SNX2: variants seen among roughly 807,000 people sequenced by gnomAD.
SNX2 encodes sorting nexin-2.
In SNX2, 25 loss-of-function variants were observed where a neutral mutation model predicts 69.9. That is an observed-to-expected ratio of 0.36 (90% CI 0.26 to 0.50). The LOEUF is 0.50. Among genes scored for constraint, SNX2 ranks in the 20% least tolerant of loss-of-function variants. The pLI is 0.97. For synonymous variants in SNX2, 229 were observed against 200.4 expected, an observed-to-expected ratio of 1.14 and a Z score of -1.20; for missense variants, 551 against 613.3, an observed-to-expected ratio of 0.90 and a Z score of 1.07.
At chr5:122,776,635 T>C (rs1306739234) in intron 1 of SNX2, among the ~76,000 whole-genome samples, 1 of 152,218 alleles carries the variant, frequency 6.6e-6, no homozygotes, top group Non-Finnish European at 1.5e-5. Context: ...TACAGCTACT[T>C]TAACATGTAC....
intron 11 of SNX2, 143 bp from the exon 12 acceptor site, chr5:122,825,907 C>T (rs189539710): frequency 1.1e-3 from 667 of 634,308 alleles, no homozygotes; most frequent in Non-Finnish European, 9.4e-4. Flanking sequence ...TTGATATTGG[C>T]ATACTTACTT....
chr5:122,820,049 A>T (rs1753985778), intron 11 of SNX2, among the ~76,000 whole-genome samples: 1 of 152,212 alleles, frequency 6.6e-6, no homozygotes. Context: ...GTTAATATAC[A>T]TAGCAATTGT....
intron 3 of SNX2, among the ~76,000 whole-genome samples, chr5:122,800,741 A>G (rs1378747499): frequency 6.6e-6 from 1 of 152,232 alleles, no homozygotes; most frequent in East Asian, 1.9e-4. Context: ...TTTTACTTTA[A>G]AAATATCTGT....
intron 1 of SNX2, among the ~76,000 whole-genome samples, chr5:122,784,252 C>G (rs1369303962): frequency 6.7e-6 from 1 of 150,010 alleles, no homozygotes; most frequent in Non-Finnish European, 1.5e-5. Flanking sequence ...GGTAGGACCA[C>G]CAGTATAATA....
rs749794281 is a variant in SNX2, at chr5:122,829,672, A to C, written c.*24A>C. On this transcript the variant is annotated 3_prime_UTR_variant, in exon 15 of 15. Coordinates refer to ENST00000379516, the MANE Select transcript of SNX2 (RefSeq NM_003100.4). ...AGCAATAAGATTGTTGCCGTTAAGA[A>C]GACCTTGGATGTTGTTCCAGTTATG... is the stretch of plus-strand genomic sequence containing the variant. 28 of 1,604,618 alleles carry C rather than the reference A, an allele frequency of 1.7e-5. 1 individual carries two copies. Among genetic ancestry groups the C allele is most frequent in the Middle Eastern group, 3.3e-4 (2 of 6,066 alleles).
At position 122,831,609 on chromosome 5, in the gene SNX2, G is replaced by T. The variant is rs752013440; in HGVS notation, c.*1961G>T. ...GCTTCTGGGAATACTTTTCAGAAAC[G>T]AATAATTCATAGTAATATATATCAG... On this transcript the variant is annotated 3_prime_UTR_variant, in exon 15 of 15. Transcript: ENST00000379516. 6.6e-6 allele frequency among the ~76,000 whole-genome samples: 1 copy of T among 152,128 alleles called. No homozygotes were observed. The highest frequency in any genetic ancestry group is 6.6e-5 in the Admixed American group (1 of 15,266).
At chr5:122,785,796 ATGTTCTAT>A (rs1753071578) in intron 1 of SNX2, among the ~76,000 whole-genome samples, 1 of 152,132 alleles carries the variant, frequency 6.6e-6, no homozygotes, top group African/African-American at 2.4e-5. Flanking sequence ...GGCCCAGAAC[ATGTTCTAT>A]TATGCTAAGT....
chr5:122,808,405 T>C, intron 7 of SNX2, 50 bp downstream of exon 7: 1 of 1,290,188 alleles, frequency 7.8e-7, no homozygotes, highest in Non-Finnish European at 1.1e-6. Flanking sequence ...TACCTTAATA[T>C]AAATGTAATT....
At chr5:122,803,659 T>C in intron 6 of SNX2, 46 bp downstream of exon 6, 1 of 1,480,822 alleles carries the variant, frequency 6.8e-7, no homozygotes, top group Non-Finnish European at 9.3e-7. Flanking sequence ...CTGTTACTAG[T>C]TCAGTTTTAA....
intron 3 of SNX2, among the ~76,000 whole-genome samples, chr5:122,801,017 C>T (rs1319056494): frequency 1.3e-5 from 2 of 152,104 alleles, no homozygotes; most frequent in Non-Finnish European, 2.9e-5. Context: ...TAGTGCTTTC[C>T]TTCGCGTCCA....
At chr5:122,778,621 G>A (rs1156349874) in intron 1 of SNX2, among the ~76,000 whole-genome samples, 2 of 152,120 alleles carry the variant, frequency 1.3e-5, no homozygotes, top group Admixed American at 6.5e-5. Context: ...CAGTTCTCCT[G>A]CCTCAGCCTC....
rs1754283292 is a variant in SNX2 at position 122,831,270 on chromosome 5, C to A, written c.*1622C>A. On this transcript the variant is annotated 3_prime_UTR_variant, in exon 15 of 15. Coordinates refer to ENST00000379516, the MANE Select transcript of SNX2 (RefSeq NM_003100.4). ...ATAGGTGTTATTCATATTTATACTC[C>A]CACAGCCCAGAAGAGTGGCTGATAC... Among the ~76,000 whole-genome samples, 2 of 152,040 alleles carry A rather than the reference C, an allele frequency of 1.3e-5. No individual in the cohort carries two copies. The highest frequency in any genetic ancestry group is 1.3e-4 in the Admixed American group (2 of 15,266).
chr5:122,785,009 T>C (rs967929000), intron 1 of SNX2, among the ~76,000 whole-genome samples: 2 of 152,238 alleles, frequency 1.3e-5, no homozygotes, highest in East Asian at 1.9e-4. Flanking sequence ...CTGTTTTTTG[T>C]AGTACTTATC....
At chr5:122,827,770 C>T (rs1477161400) in intron 14 of SNX2, 124 bp downstream of exon 14, 2 of 696,554 alleles carry the variant, frequency 2.9e-6, no homozygotes, top group Non-Finnish European at 4.9e-6. Context: ...AGACAGAAAG[C>T]CAGTGATGGT....
rs1754322679 is a variant in SNX2 at position 122,832,800 on chromosome 5, G to C, written c.*3152G>C. ...TTCCATTATTCTGCCTTAAATAAGG[G>C]ATGTTACTTCAGTTTTCTTGTCATG... On this transcript the variant is annotated 3_prime_UTR_variant, in exon 15 of 15. Transcript: ENST00000379516. 6.6e-6 allele frequency: 1 copy of C among 152,132 alleles called. No individual in the cohort carries two copies. Among genetic ancestry groups the C allele is most frequent in the Admixed American group, 6.5e-5 (1 of 15,274 alleles). The allele number at this position is 152,132 out of a possible 1,614,324, so 9.4% of individuals were successfully genotyped here. A position where few individuals can be genotyped will look rare whatever the true frequency, so the allele number is the denominator to read the frequency against.
At chr5:122,806,018 G>A (rs1753634215) in intron 6 of SNX2, among the ~76,000 whole-genome samples, 1 of 151,810 alleles carries the variant, frequency 6.6e-6, no homozygotes, top group Admixed American at 6.6e-5. Context: ...CTGAGCTCAT[G>A]ATTCGCCCGT....
intron 1 of SNX2, chr5:122,775,576 T>C: frequency 1.0e-6 from 1 of 999,612 alleles, no homozygotes; most frequent in Non-Finnish European, 1.2e-6. Flanking sequence ...CACCGAGCTC[T>C]TTTGAAGGGG....
intron 11 of SNX2, among the ~76,000 whole-genome samples, chr5:122,821,029 T>C (rs1396277367): frequency 1.3e-5 from 2 of 152,208 alleles, no homozygotes; most frequent in Non-Finnish European, 2.9e-5. Flanking sequence ...TTAAGATTAG[T>C]TTCTACTGAA....
chr5:122,778,190 A>G (rs2149999099), intron 1 of SNX2, among the ~76,000 whole-genome samples: 1 of 152,334 alleles, frequency 6.6e-6, no homozygotes. Flanking sequence ...TCCATCATGC[A>G]TATATACCAC....
Sources: gnomAD v4.1 joint callset for allele counts (sites outside exome capture counted in the v4.1 genomes callset) on GRCh38, gnomAD v4.1.1 for gene constraint, MANE v1.5 for transcripts, NCBI Gene and HGNC (gene_info 2026-07-23, HGNC 2026-07-21) for gene names.